TCF20: variants seen among roughly 807,000 people sequenced by gnomAD.
The protein encoded by TCF20 is SPRE-binding protein.
Under a neutral mutation model 148.6 loss-of-function variants are expected in TCF20, and 3 were observed. The observed-to-expected ratio is 0.02, with a 90% CI of 0.01 to 0.05. The LOEUF (loss-of-function observed/expected upper bound fraction) is 0.05, where lower values mean the gene tolerates loss of function less well. Ranked by LOEUF, TCF20 falls within the 10% of genes least tolerant of loss-of-function variation. TCF20 has a pLI of 1.00. For missense variants in TCF20, 2,350 were observed against 2,429.3 expected (o/e 0.97, Z 0.69); for synonymous variants, 1,049 against 909.5 (o/e 1.15, Z -2.76).
At chr22:42,341,293 G>T (rs1445580624) in intron 1 of TCF20, among the ~76,000 whole-genome samples, 1 of 152,206 alleles carries the variant, frequency 6.6e-6, no homozygotes, top group Non-Finnish European at 1.5e-5. Context: ...TCTCCCGACA[G>T]GTCAATTTAT....
chr22:42,170,308 G>T (rs5758623), intron 3 of TCF20, among the ~76,000 whole-genome samples: 1 of 149,844 alleles, frequency 6.7e-6, no homozygotes, highest in South Asian at 2.1e-4. Flanking sequence ...GACCAGCTTG[G>T]GCAACACAGT....
At chr22:42,170,626 CAAAAAAAAAAAAA>C (rs58579686) in intron 3 of TCF20, among the ~76,000 whole-genome samples, 3,933 of 72,250 alleles carry the variant, frequency 0.054, 240 homozygotes, top group African/African-American at 0.22. Context: ...GACTCCGTCT[CAAAAAAAAAAAAA>C]AAAAAAAAAA....
chr22:42,223,832 C>T (rs1922602523), intron 1 of TCF20, among the ~76,000 whole-genome samples: 1 of 152,106 alleles, frequency 6.6e-6, no homozygotes, highest in African/African-American at 2.4e-5. Flanking sequence ...TGCTCAGTGA[C>T]TTAATATTTC....
chr22:42,183,966 A>C (rs891983603), intron 2 of TCF20, among the ~76,000 whole-genome samples: 1 of 151,684 alleles, frequency 6.6e-6, no homozygotes, highest in African/African-American at 2.4e-5. Flanking sequence ...ATGAGGTTTC[A>C]CCATGTTGGC....
intron 2 of TCF20, among the ~76,000 whole-genome samples, chr22:42,188,885 A>G (rs575310600): frequency 2.6e-5 from 4 of 152,234 alleles, no homozygotes; most frequent in Non-Finnish European, 5.9e-5. Flanking sequence ...CAAAATTTAA[A>G]CAGTGATGTA....
In TCF20 at chr22:42,279,041, CTG is replaced by C. The variant is rs1398741983; in HGVS notation, c.-37+4784_-37+4785del. 1.3e-5 allele frequency among the ~76,000 whole-genome samples: 2 copies of C among 152,182 alleles called. No individual in the cohort carries two copies. Among genetic ancestry groups the C allele is most frequent in the East Asian group, 1.9e-4 (1 of 5,198 alleles). On this transcript the variant is annotated intron_variant, in intron 1 of 5. Coordinates refer to the TCF20 transcript ENST00000359486. This position sits in a 1 kb window ranked among gnomAD's most constrained non-coding sequence, Gnocchi z 4.3. The stretch of plus-strand genomic sequence containing the variant: ...TTATTCCCATTATCAGTATATCCCT[CTG>C]TGGGCAAATGATGACAGACATGCAT...
intron 1 of TCF20, among the ~76,000 whole-genome samples, chr22:42,315,864 A>T (rs1408455661): frequency 6.6e-6 from 1 of 151,942 alleles, no homozygotes; most frequent in East Asian, 1.9e-4. Flanking sequence ...CTGTAATCCC[A>T]GCACTTTGGG....
At chr22:42,175,469 T>A (rs964921685) in intron 3 of TCF20, among the ~76,000 whole-genome samples, 1 of 152,060 alleles carries the variant, frequency 6.6e-6, no homozygotes, top group Non-Finnish European at 1.5e-5. Context: ...GCCTCCCAAG[T>A]AGCTGGGACT....
In TCF20 at chr22:42,279,292, G is replaced by C. The variant is rs1422032650; in HGVS notation, c.-37+4535C>G. Reference sequence around the variant, plus strand: ...GGCTGAGGCGGGCGGATCACCTGAGGTCAGGAGTTCGAAACCAGCCTGGCC... The same window carrying C: ...GGCTGAGGCGGGCGGATCACCTGAGCTCAGGAGTTCGAAACCAGCCTGGCC... On this transcript the variant is annotated intron_variant, in intron 1 of 5. Coordinates refer to the TCF20 transcript ENST00000359486. The surrounding 1 kb of genome is among the most constrained non-coding windows in gnomAD (Gnocchi z 4.3). Among the ~76,000 whole-genome samples, 2 of 152,094 alleles carry C rather than the reference G, an allele frequency of 1.3e-5. No individual in the cohort carries two copies. The highest frequency in any genetic ancestry group is 2.9e-5 in the Non-Finnish European group (2 of 68,022).
chr22:42,310,046 C>T (rs1046493275), intron 1 of TCF20, among the ~76,000 whole-genome samples: 3 of 152,158 alleles, frequency 2.0e-5, no homozygotes, highest in South Asian at 4.1e-4. Context: ...CTGCCCGGAG[C>T]GGCCATGAAG....
At chr22:42,289,312 A>G (rs181689440) in intron 1 of TCF20, among the ~76,000 whole-genome samples, 2 of 152,026 alleles carry the variant, frequency 1.3e-5, no homozygotes, top group Non-Finnish European at 2.9e-5. Context: ...CCACCGACAC[A>G]CTCTGGGAGG....
upstream of TCF20, among the ~76,000 whole-genome samples, chr22:42,271,834 G>C (rs968334230): frequency 3.3e-5 from 5 of 152,224 alleles, no homozygotes; most frequent in African/African-American, 1.2e-4. Flanking sequence ...GGATTGTCAG[G>C]AACCAGGTGT....
At chr22:42,208,984 T>C (rs756085882) in intron 2 of TCF20, among the ~76,000 whole-genome samples, 1 of 152,084 alleles carries the variant, frequency 6.6e-6, no homozygotes, top group Non-Finnish European at 1.5e-5. Context: ...AAACAGAACA[T>C]GCATCAAGGG....
Position 42,160,651 on chromosome 22 carries a change from A to AC in TCF20, c.*751_*752insG, listed in dbSNP as rs1569088245. 2 of 152,466 alleles carry AC rather than the reference A, an allele frequency of 1.3e-5. No homozygotes were observed. Among genetic ancestry groups the AC allele is most frequent in the African/African-American group, 4.8e-5 (2 of 41,354 alleles). 9.4% of individuals were successfully genotyped at this position (152,466 alleles called of 1,614,324 possible). A position where few individuals can be genotyped will look rare whatever the true frequency, so the allele number is the denominator to read the frequency against. On this transcript the variant is annotated 3_prime_UTR_variant, in exon 6 of 6. Transcript: ENST00000677622. The stretch of plus-strand genomic sequence containing the variant: ...CAAAAAGAAAAAATTAAAAAAAAAA[A>AC]ACCATAAATAAATAGTGTTTCTGGA...
Position 42,209,695 on chromosome 22 carries a change from T to C in TCF20, c.5611A>G (p.Arg1871Gly). 6.2e-7 allele frequency: 1 copy of C among 1,614,204 alleles called. No individual in the cohort carries two copies. The highest frequency in any genetic ancestry group is 1.7e-5 in the Admixed American group (1 of 60,024). The change falls in exon 2 of 6, where the codon AGG becomes GGG. Residue 1871 changes from arginine to glycine, a missense_variant. Transcript: ENST00000677622. ...WANGIYLVCG[R>G]LYGLQEALEI... is the part of the protein sequence containing the mutation. The stretch of plus-strand genomic sequence containing the variant: ...AGCGCTTCCTGCAGGCCATAGAGCC[T>C]GCCACAAACCAGGTAGATTCCATTG...
At chr22:42,239,203 G>A (rs186688282) in intron 1 of TCF20, among the ~76,000 whole-genome samples, 72 of 152,198 alleles carry the variant, frequency 4.7e-4, no homozygotes, top group African/African-American at 1.3e-3. Flanking sequence ...AAGGCTGGGC[G>A]CGGTGGCTCA....
intron 1 of TCF20, among the ~76,000 whole-genome samples, chr22:42,314,415 A>T (rs1927593206): frequency 6.6e-6 from 1 of 152,244 alleles, no homozygotes; most frequent in Non-Finnish European, 1.5e-5. Context: ...TGATTTCCCC[A>T]TGGCCACATC....
rs905251441 is a variant in TCF20 at position 42,297,427 on chromosome 22, T to A, written c.-37+46052A>T. Among the ~76,000 whole-genome samples, 1 of 152,194 alleles carries A rather than the reference T, an allele frequency of 6.6e-6. No individual in the cohort carries two copies. Among genetic ancestry groups the A allele is most frequent in the Admixed American group, 6.5e-5 (1 of 15,288 alleles). On this transcript the variant is annotated intron_variant, in intron 1 of 1. Transcript: ENST00000515426. The surrounding 1 kb of genome is among the most constrained non-coding windows in gnomAD (Gnocchi z 4.3). ...ATCTAAGGACACTGGTTGTGCCTTC[T>A]TTTTACCAGCAACAAGAACTCATCA...
intron 1 of TCF20, among the ~76,000 whole-genome samples, chr22:42,324,413 C>G (rs1189762614): frequency 6.6e-6 from 1 of 151,938 alleles, no homozygotes; most frequent in Non-Finnish European, 1.5e-5. Context: ...AAGAAAATAA[C>G]CTCCACCATT....
Sources: allele counts gnomAD v4.1 joint callset (sites outside exome capture counted in the v4.1 genomes callset), GRCh38; gene constraint gnomAD v4.1.1; non-coding constraint Gnocchi (gnomAD v3.1); transcripts MANE v1.5; gene names NCBI Gene and HGNC (gene_info 2026-07-23, HGNC 2026-07-21).